Variants in MAMDC2 observed in about 807,000 individuals in gnomAD.
The protein encoded by MAMDC2 is MAM domain containing 2.
In MAMDC2, 57 loss-of-function variants were observed where a neutral mutation model predicts 89.8. The observed-to-expected ratio is 0.63, with a 90% CI of 0.51 to 0.79. MAMDC2 has a LOEUF of 0.79. Ranked by LOEUF, MAMDC2 falls within the 30% of genes least tolerant of loss-of-function variation. The pLI is 0.00. For synonymous variants in MAMDC2, 313 were observed against 293.4 expected (o/e 1.07, Z -0.68); for missense variants, 800 against 820.6 (o/e 0.97, Z 0.31).
intron 9 of MAMDC2, among the ~76,000 whole-genome samples, chr9:70,162,904 C>G (rs2032024764): frequency 3.8e-5 from 2 of 53,014 alleles, no homozygotes; most frequent in African/African-American, 5.4e-5. Flanking sequence ...ATCAACCACC[C>G]CCCTCAAAAA....
At chr9:70,161,497 G>A (rs1376915789) in intron 9 of MAMDC2, among the ~76,000 whole-genome samples, 1 of 152,214 alleles carries the variant, frequency 6.6e-6, no homozygotes, top group East Asian at 1.9e-4. Flanking sequence ...GCCTTTTGTG[G>A]GAGATGAAGA....
At chr9:70,209,860 A>G (rs1418365256) in intron 11 of MAMDC2, among the ~76,000 whole-genome samples, 1 of 152,222 alleles carries the variant, frequency 6.6e-6, no homozygotes, top group Non-Finnish European at 1.5e-5. Flanking sequence ...GTTTCAGAGA[A>G]CATCTTTATC....
intron 11 of MAMDC2, among the ~76,000 whole-genome samples, chr9:70,218,068 T>C (rs1354047352): frequency 6.6e-6 from 1 of 152,248 alleles, no homozygotes; most frequent in Non-Finnish European, 1.5e-5. Context: ...TGTTAATCAC[T>C]GTATCAGTGG....
At chr9:70,163,054 A>T (rs2032033307) in intron 9 of MAMDC2, among the ~76,000 whole-genome samples, 1 of 152,140 alleles carries the variant, frequency 6.6e-6, no homozygotes, top group Non-Finnish European at 1.5e-5. Flanking sequence ...AAAGATGAAA[A>T]TAAAGAGGAG....
At chr9:70,080,416 G>A (rs1050128031) in intron 2 of MAMDC2, among the ~76,000 whole-genome samples, 10 of 152,166 alleles carry the variant, frequency 6.6e-5, no homozygotes, top group African/African-American at 2.4e-4. Context: ...GACATTTCCA[G>A]GTCAACAGCG....
intron 9 of MAMDC2, among the ~76,000 whole-genome samples, chr9:70,156,453 A>G (rs1276297697): frequency 6.6e-6 from 1 of 152,222 alleles, no homozygotes; most frequent in African/African-American, 2.4e-5. Context: ...TGTAGACAAG[A>G]CACATGAGAG....
At chr9:70,184,992 T>C (rs1289581078) in intron 11 of MAMDC2, among the ~76,000 whole-genome samples, 1 of 152,250 alleles carries the variant, frequency 6.6e-6, no homozygotes, top group Non-Finnish European at 1.5e-5. Flanking sequence ...ATTTTTGTGC[T>C]GGTTTTTACT....
At chr9:70,109,691 A>G in intron 3 of MAMDC2, 29 bp from the exon 4 acceptor site, 1 of 1,557,380 alleles carries the variant, frequency 6.4e-7, no homozygotes, top group Non-Finnish European at 8.9e-7. Flanking sequence ...TTGAAGTCTA[A>G]CTCCCCTTCT....
intron 5 of MAMDC2, among the ~76,000 whole-genome samples, chr9:70,121,367 C>A (rs1391746459): frequency 3.9e-5 from 6 of 152,184 alleles, no homozygotes; most frequent in Admixed American, 6.5e-5. Flanking sequence ...GGCAGCATGA[C>A]TGAGAACTGT....
chr9:70,114,682 T>C (rs1274517332), intron 5 of MAMDC2, among the ~76,000 whole-genome samples: 1 of 152,134 alleles, frequency 6.6e-6, no homozygotes, highest in African/African-American at 2.4e-5. Flanking sequence ...CAGCATTAGA[T>C]ATGATGGGGT....
chr9:70,217,782 G>T, intron 11 of MAMDC2: 1 of 734,774 alleles, frequency 1.4e-6, no homozygotes. Context: ...AAGTAGGACA[G>T]GAAACAAATA....
intron 12 of MAMDC2, among the ~76,000 whole-genome samples, chr9:70,221,475 G>C (rs1442310177): frequency 6.7e-6 from 1 of 148,294 alleles, no homozygotes; most frequent in East Asian, 2.0e-4. Flanking sequence ...GTAGAATGAT[G>C]GTTACCAGAG....
At chr9:70,054,553 C>A (rs1401079039) in intron 2 of MAMDC2, among the ~76,000 whole-genome samples, 1 of 151,520 alleles carries the variant, frequency 6.6e-6, no homozygotes, top group African/African-American at 2.4e-5. Flanking sequence ...ACCATACCTA[C>A]AAAGAAACTT....
At chr9:70,203,267 T>C (rs2118639094) in intron 11 of MAMDC2, among the ~76,000 whole-genome samples, 1 of 152,184 alleles carries the variant, frequency 6.6e-6, no homozygotes, top group East Asian at 1.9e-4. Flanking sequence ...ACAAAATCGG[T>C]CAGCATTTGC....
chr9:70,096,495 C>A (rs531440678), intron 2 of MAMDC2, among the ~76,000 whole-genome samples: 32 of 152,152 alleles, frequency 2.1e-4, no homozygotes, highest in Non-Finnish European at 3.8e-4. Flanking sequence ...GTCAGCCCCC[C>A]CTTTGAGGAG....
chr9:70,220,354 G>A (rs1478352125), intron 12 of MAMDC2, among the ~76,000 whole-genome samples: 4 of 152,124 alleles, frequency 2.6e-5, no homozygotes, highest in Non-Finnish European at 5.9e-5. Flanking sequence ...GAATCGCCCT[G>A]GAGACTTCCA....
At chr9:70,135,427 A>G (rs1171592383) in intron 7 of MAMDC2, among the ~76,000 whole-genome samples, 2 of 152,200 alleles carry the variant, frequency 1.3e-5, no homozygotes, top group Non-Finnish European at 2.9e-5. Context: ...GGGTAGAAGC[A>G]GCACTCTAGG....
At chr9:70,110,402 G>A (rs1305683227) in intron 4 of MAMDC2, among the ~76,000 whole-genome samples, 2 of 152,198 alleles carry the variant, frequency 1.3e-5, no homozygotes, top group East Asian at 1.9e-4. Context: ...GTGGAGAGGC[G>A]CAGGGAGGAG....
intron 2 of MAMDC2, among the ~76,000 whole-genome samples, chr9:70,100,491 C>A (rs978808213): frequency 2.0e-5 from 3 of 152,158 alleles, no homozygotes; most frequent in Admixed American, 1.3e-4. Flanking sequence ...AAGGAAGCTG[C>A]CAAAAAGAAG....
Sources: allele counts gnomAD v4.1 joint callset (sites outside exome capture counted in the v4.1 genomes callset), GRCh38; gene constraint gnomAD v4.1.1; transcripts MANE v1.5; gene names NCBI Gene and HGNC (gene_info 2026-07-23, HGNC 2026-07-21).